Variants in ZNF324B observed in about 807,000 individuals in gnomAD.
ZNF324B encodes zinc finger protein 324B.
Under a neutral mutation model 10.6 loss-of-function variants are expected in ZNF324B, and 7 were observed. The ratio of observed to expected loss-of-function variants is 0.66; its 90% CI spans 0.38 to 1.24. ZNF324B has a LOEUF of 1.24. Among genes scored for constraint, ZNF324B ranks in the 50% most tolerant of loss-of-function variants. The pLI, the probability that ZNF324B is intolerant of heterozygous loss-of-function variation, is 0.02. For synonymous variants in ZNF324B, 316 were observed against 321.0 expected, an observed-to-expected ratio of 0.98 and a Z score of 0.17; for missense variants, 640 against 764.7, an observed-to-expected ratio of 0.84 and a Z score of 1.92.
At chr19:58,440,125 C>G in the ZNF324B span, 1 of 425,970 alleles carries the variant, frequency 2.3e-6, no homozygotes, top group Non-Finnish European at 4.2e-6. Flanking sequence ...TGTAGCCCAA[C>G]CCACCAGCAG....
At chr19:58,437,977 C>T in the ZNF324B span, among the ~76,000 whole-genome samples, 2 of 152,150 alleles carry the variant, frequency 1.3e-5, no homozygotes. Flanking sequence ...ATCCAAGATC[C>T]ACTGGCCCCC....
At chr19:58,433,415 G>A in the ZNF324B span, 1 of 1,614,170 alleles carries the variant, frequency 6.2e-7, no homozygotes, top group East Asian at 2.2e-5. Context: ...TCTCTGGTGT[G>A]AACTTTCTGG....
chr19:58,456,454 A>C lies in ZNF324B; in HGVS notation c.1510A>C (p.Thr504Pro). The C allele has an allele frequency of 6.2e-7, 1 of 1,613,940 alleles. No individual in the cohort carries two copies. Among genetic ancestry groups the C allele is most frequent in the Non-Finnish European group, 8.5e-7 (1 of 1,180,002 alleles). Reference protein sequence around the residue: ...PALLHHQRIHTTEKTNAAAPD... With the variant: ...PALLHHQRIHPTEKTNAAAPD... ...CCTCTTGCACCACCAGAGGATCCAC[A>C]CCACAGAGAAGACCAATGCCGCAGC... The change falls in exon 4 of 4, where the codon ACC becomes CCC. Residue 504 changes from threonine to proline, a missense_variant. Transcript: ENST00000336614. The surrounding 1 kb of genome is among the most constrained non-coding windows in gnomAD (Gnocchi z 4.7).
the ZNF324B span, chr19:58,445,764 GAGTT>G: frequency 6.7e-6 from 2 of 300,426 alleles, no homozygotes; most frequent in South Asian, 3.0e-5. Flanking sequence ...GCAGTGAGCT[GAGTT>G]AGAGCCACTG....
the ZNF324B span, chr19:58,440,086 C>T: frequency 6.1e-6 from 3 of 492,200 alleles, no homozygotes; most frequent in East Asian, 7.8e-5. Context: ...CACCCACTCC[C>T]GTGCCCTGGT....
chr19:58,436,135 T>C, the ZNF324B span, among the ~76,000 whole-genome samples: 3 of 152,274 alleles, frequency 2.0e-5, no homozygotes, highest in Non-Finnish European at 4.4e-5. Flanking sequence ...TAAATCTATA[T>C]AGTCAGAAAG....
chr19:58,433,864 C>A, the ZNF324B span: 2 of 1,614,166 alleles, frequency 1.2e-6, no homozygotes, highest in Non-Finnish European at 1.7e-6. Context: ...CAGGCTGGAG[C>A]TGCGGCTGAA....
At chr19:58,427,495 T>G in the ZNF324B span, among the ~76,000 whole-genome samples, 1 of 101,178 alleles carries the variant, frequency 9.9e-6, no homozygotes, top group African/African-American at 4.4e-5. Context: ...CCTTCCTTCC[T>G]TTCTTTCTTT....
chr19:58,422,960 C>T, the ZNF324B span, among the ~76,000 whole-genome samples: 2 of 151,948 alleles, frequency 1.3e-5, no homozygotes, highest in Non-Finnish European at 2.9e-5. Context: ...AGCTCCGCCT[C>T]CCGGGTTCAC....
upstream of ZNF324B, among the ~76,000 whole-genome samples, chr19:58,447,174 C>G (rs926224773): frequency 2.6e-5 from 4 of 151,786 alleles, no homozygotes; most frequent in African/African-American, 9.7e-5. Flanking sequence ...CGGAGTTTCA[C>G]CATATATTGG....
At chr19:58,427,395 TTTCTTTCTTTCCTTCC>T in the ZNF324B span, among the ~76,000 whole-genome samples, 1 of 52,022 alleles carries the variant, frequency 1.9e-5, no homozygotes, top group South Asian at 7.5e-4. Context: ...TCTTTCTTTC[TTTCTTTCTTTCCTTCC>T]TTCCTTCCTT....
the ZNF324B span, chr19:58,439,709 C>T: frequency 4.0e-6 from 6 of 1,487,230 alleles, no homozygotes; most frequent in Non-Finnish European, 5.4e-6. Context: ...CTTCAGGATC[C>T]TGAGGGCCGG....
chr19:58,452,396 GT>G (rs2052869422), intron 1 of ZNF324B: 1 of 152,176 alleles, frequency 6.6e-6, no homozygotes, highest in Non-Finnish European at 1.5e-5. Context: ...CTTTAAAACG[GT>G]TCCACCGTTT....
At chr19:58,435,096 A>G in the ZNF324B span, 28 of 1,614,046 alleles carry the variant, frequency 1.7e-5, no homozygotes, top group Non-Finnish European at 2.3e-5. Flanking sequence ...CACACATGTC[A>G]CAGGAGTTAG....
the ZNF324B span, chr19:58,436,260 A>G: frequency 1.4e-4 from 22 of 154,296 alleles, no homozygotes; most frequent in African/African-American, 5.3e-4. Flanking sequence ...AAAACATGCT[A>G]AAATTACATT....
At chr19:58,419,906 G>A in the ZNF324B span, among the ~76,000 whole-genome samples, 1 of 152,150 alleles carries the variant, frequency 6.6e-6, no homozygotes, top group Non-Finnish European at 1.5e-5. Context: ...TTGACTCCAG[G>A]GATTCAAGTG....
In ZNF324B at chr19:58,453,830, C is replaced by T. The variant is rs372726804; in HGVS notation, c.121+8C>T. The T allele has an allele frequency of 3.2e-5, 52 of 1,611,028 alleles. No individual in the cohort carries two copies. The African/African-American group carries it at 4.7e-4, about 14-fold the overall frequency. ...CACTTGTGACCTCACTTGGTAAGGC[C>T]CTGGGTGCTCCATGAAAAGTGCACT... is the stretch of plus-strand genomic sequence containing the variant. On this transcript the variant is annotated splice_region_variant and intron_variant, in intron 2 of 3. Coordinates refer to ENST00000336614, the MANE Select transcript of ZNF324B (RefSeq NM_207395.3).
the ZNF324B span, chr19:58,440,304 G>C: frequency 5.8e-6 from 1 of 172,248 alleles, no homozygotes; most frequent in African/African-American, 2.4e-5. Flanking sequence ...TTGAGGAATG[G>C]CGTTTATTGC....
the ZNF324B span, chr19:58,445,537 C>T: frequency 5.8e-6 from 3 of 514,456 alleles, no homozygotes; most frequent in South Asian, 2.8e-5. Flanking sequence ...TCACACTGGC[C>T]AGGTGTGGTG....
Sources: allele counts gnomAD v4.1 joint callset (sites outside exome capture counted in the v4.1 genomes callset), GRCh38; gene constraint gnomAD v4.1.1; non-coding constraint Gnocchi (gnomAD v3.1); transcripts MANE v1.5; gene names NCBI Gene and HGNC (gene_info 2026-07-23, HGNC 2026-07-21).